KLHL13: variants seen among roughly 807,000 people sequenced by gnomAD.
KLHL13 encodes kelch-like protein 13.
KLHL13 carries 10 observed loss-of-function variants against 37.1 expected under a neutral mutation model. That is an observed-to-expected ratio of 0.27 (90% CI 0.17 to 0.46). The LOEUF (loss-of-function observed/expected upper bound fraction) is 0.46. Among genes scored for constraint, KLHL13 ranks in the 20% least tolerant of loss-of-function variants. The pLI, the probability that KLHL13 is intolerant of heterozygous loss-of-function variation, is 1.00. For missense variants in KLHL13, 360 were observed against 509.3 expected (o/e 0.71, Z 2.82); for synonymous variants, 163 against 181.2 (o/e 0.90, Z 0.81).
intron 1 of KLHL13, among the ~76,000 whole-genome samples, chrX:118,070,641 A>AT (rs201431300): frequency 3.3e-4 from 36 of 109,956 alleles, no homozygotes; most frequent in African/African-American, 1.1e-3. Flanking sequence ...ACCATAATAG[A>AT]TTTTTTTTTG....
At chrX:118,038,207 AT>A (rs947064655) in intron 1 of KLHL13, among the ~76,000 whole-genome samples, 1 of 111,894 alleles carries the variant, frequency 8.9e-6, no homozygotes, top group African/African-American at 3.2e-5. Flanking sequence ...AAGTGATGAG[AT>A]TGGGAAATGT....
chrX:117,994,063 C>T (rs1172419765), intron 1 of KLHL13, among the ~76,000 whole-genome samples: 1 of 111,538 alleles, frequency 9.0e-6, no homozygotes, highest in Non-Finnish European at 1.9e-5. Flanking sequence ...AATTTTTCTC[C>T]CTGTTTCTAA....
chrX:118,090,770 A>G (rs2055123624), intron 1 of KLHL13, among the ~76,000 whole-genome samples: 1 of 109,669 alleles, frequency 9.1e-6, no homozygotes, highest in South Asian at 4.1e-4. Flanking sequence ...CAGCCATCCC[A>G]TTACTGGGTA....
intron 1 of KLHL13, among the ~76,000 whole-genome samples, chrX:117,963,391 C>T (rs12387940): frequency 0.061 from 6,820 of 111,700 alleles, 490 homozygotes; most frequent in African/African-American, 0.21. Flanking sequence ...ATAAAGCACA[C>T]AAACAGTAAA....
At chrX:118,053,832 A>G (rs1221098782) in intron 1 of KLHL13, among the ~76,000 whole-genome samples, 1 of 40,050 alleles carries the variant, frequency 2.5e-5, no homozygotes. Flanking sequence ...GAGGAGAGAG[A>G]GAGAGAGAGA....
At chrX:118,014,450 T>C (rs1351647414) in intron 1 of KLHL13, among the ~76,000 whole-genome samples, 2 of 112,176 alleles carry the variant, frequency 1.8e-5, no homozygotes, top group African/African-American at 3.2e-5. Flanking sequence ...CACTGTTTCC[T>C]GTTAAGATGT....
intron 1 of KLHL13, among the ~76,000 whole-genome samples, chrX:118,006,270 T>C (rs142713950): frequency 1.2e-3 from 136 of 111,843 alleles, no homozygotes; most frequent in African/African-American, 4.3e-3. Context: ...GACTGTACAA[T>C]AGTGAAAGTC....
chrX:118,083,776 C>T (rs770859762), intron 1 of KLHL13, among the ~76,000 whole-genome samples: 1 of 111,155 alleles, frequency 9.0e-6, no homozygotes, highest in Admixed American at 9.6e-5. Context: ...TCCTAATTAC[C>T]CTGATTTGAT....
intron 1 of KLHL13, among the ~76,000 whole-genome samples, chrX:118,109,672 C>T (rs1261689749): frequency 1.8e-5 from 2 of 112,386 alleles, no homozygotes; most frequent in Non-Finnish European, 3.7e-5. Flanking sequence ...ATGTGCTCCA[C>T]TTTGAAGGAC....
chrX:117,997,456 T>G (rs2053867604), intron 1 of KLHL13, among the ~76,000 whole-genome samples: 1 of 111,878 alleles, frequency 8.9e-6, no homozygotes, highest in African/African-American at 3.2e-5. Context: ...TTTTCACACA[T>G]AACTGGAGGT....
intron 6 of KLHL13, among the ~76,000 whole-genome samples, chrX:117,900,733 C>T (rs1289055679): frequency 1.8e-4 from 20 of 111,204 alleles, no homozygotes; most frequent in Non-Finnish European, 1.9e-5. Flanking sequence ...AGTAATGTAA[C>T]TGCTGGCCTG....
At chrX:117,953,009 G>C (rs1358197492) in intron 1 of KLHL13, among the ~76,000 whole-genome samples, 2 of 111,335 alleles carry the variant, frequency 1.8e-5, no homozygotes, top group Non-Finnish European at 3.8e-5. Flanking sequence ...ATTCTTCAGG[G>C]ATCTAGAACT....
At chrX:118,016,188 T>C (rs1318945840) in intron 1 of KLHL13, among the ~76,000 whole-genome samples, 1 of 111,939 alleles carries the variant, frequency 8.9e-6, no homozygotes, top group Non-Finnish European at 1.9e-5. Context: ...CTTCCAATTC[T>C]TACATGTGAC....
intron 1 of KLHL13, among the ~76,000 whole-genome samples, chrX:118,020,580 G>A (rs1056639540): frequency 9.0e-6 from 1 of 111,073 alleles, no homozygotes; most frequent in Non-Finnish European, 1.9e-5. Flanking sequence ...GGAAGTCAGA[G>A]TGGCGATTCC....
At chrX:118,031,199 G>T (rs911805946) in intron 1 of KLHL13, among the ~76,000 whole-genome samples, 2 of 109,800 alleles carry the variant, frequency 1.8e-5, no homozygotes, top group African/African-American at 6.6e-5. Flanking sequence ...GTTTCTCTCA[G>T]AAGTTCATGT....
At chrX:117,963,656 A>G (rs906606420) in intron 1 of KLHL13, among the ~76,000 whole-genome samples, 2 of 97,072 alleles carry the variant, frequency 2.1e-5, no homozygotes, top group Non-Finnish European at 4.1e-5. Context: ...GACTTCCACA[A>G]TGGTTGAACT....
At chrX:118,072,808 A>G (rs2054885157) in intron 1 of KLHL13, among the ~76,000 whole-genome samples, 1 of 111,603 alleles carries the variant, frequency 9.0e-6, no homozygotes, top group Admixed American at 9.5e-5. Context: ...TCAAATGGAG[A>G]AAGAGGCTGG....
Position 118,051,193 on chromosome X carries a change from A to G in KLHL13, c.-56+65315T>C, listed in dbSNP as rs1475660931. ...TACCTGAGAGCAGCAAAGTTTGTAAAAAAAAAAAAAACTTACAAATGTGCT... is the reference window on the plus strand; with the variant it reads ...TACCTGAGAGCAGCAAAGTTTGTAAGAAAAAAAAAAACTTACAAATGTGCT... On this transcript the variant is annotated intron_variant, in intron 1 of 6. Coordinates refer to the KLHL13 transcript ENST00000371882. 1.6e-4 allele frequency among the ~76,000 whole-genome samples: 18 copies of G among 110,485 alleles called. No homozygotes were observed. The Admixed American group carries it at 1.7e-3, about 11-fold the overall frequency.
chrX:118,110,331 TCATTTGTTTTCTA>T (rs1436639516), intron 1 of KLHL13, among the ~76,000 whole-genome samples: 1 of 109,358 alleles, frequency 9.1e-6, no homozygotes, highest in African/African-American at 3.3e-5. Context: ...GAATCATGTC[TCATTTGTTTTCTA>T]CCTTTCTCTT....
Sources: gnomAD v4.1 joint callset for allele counts (sites outside exome capture counted in the v4.1 genomes callset) on GRCh38, gnomAD v4.1.1 for gene constraint, MANE v1.5 for transcripts, NCBI Gene and HGNC (gene_info 2026-07-23, HGNC 2026-07-21) for gene names.